The following GDPD4 variants were observed in gnomAD, a reference collection of about 807,000 sequenced individuals.
GDPD4 encodes glycerophosphodiester phosphodiesterase 6.
GDPD4 carries 60 observed loss-of-function variants against 67.8 expected under a neutral mutation model. That is an observed-to-expected ratio of 0.88 (90% CI 0.72 to 1.10). GDPD4 has a LOEUF of 1.10. Ranked by LOEUF, GDPD4 falls within the 50% of genes least tolerant of loss-of-function variation. GDPD4 has a pLI of 0.00. For synonymous variants in GDPD4, 212 were observed against 210.9 expected (o/e 1.00, Z -0.04); for missense variants, 623 against 613.9 (o/e 1.01, Z -0.16).
chr11:77,259,977 A>G (rs567398201), intron 10 of GDPD4, among the ~76,000 whole-genome samples: 1 of 152,178 alleles, frequency 6.6e-6, no homozygotes, highest in Admixed American at 6.5e-5. Context: ...GAGAGTCTTC[A>G]GTAATTACAT....
chr11:77,231,803 T>TA (rs1958460639), intron 14 of GDPD4, among the ~76,000 whole-genome samples: 1 of 152,156 alleles, frequency 6.6e-6, no homozygotes, highest in South Asian at 2.1e-4. Flanking sequence ...ACATAGTATA[T>TA]ACATGAAGGG....
At chr11:77,276,085 A>C in intron 5 of GDPD4, 76 bp downstream of exon 5, 1 of 1,023,534 alleles carries the variant, frequency 9.8e-7, no homozygotes, top group South Asian at 1.3e-5. Flanking sequence ...AAAACTGAGT[A>C]CCAAGGAGCA....
chr11:77,228,026 C>G (rs965498644), intron 15 of GDPD4, 110 bp from the exon 16 acceptor site: 1 of 792,804 alleles, frequency 1.3e-6, no homozygotes, highest in Non-Finnish European at 2.2e-6. Context: ...AACTTACAAT[C>G]CTATAGCATT....
chr11:77,252,698 T>C (rs987425513), intron 11 of GDPD4, among the ~76,000 whole-genome samples: 3 of 152,204 alleles, frequency 2.0e-5, no homozygotes, highest in African/African-American at 4.8e-5. Context: ...TGGGTCTTAG[T>C]GCACTAGTTG....
intron 10 of GDPD4, among the ~76,000 whole-genome samples, chr11:77,265,610 C>T (rs908303924): frequency 6.6e-6 from 1 of 152,136 alleles, no homozygotes; most frequent in Non-Finnish European, 1.5e-5. Flanking sequence ...GAAACTGACA[C>T]TGATAAAATC....
At chr11:77,223,643 C>CG (rs943145322) in intron 16 of GDPD4, among the ~76,000 whole-genome samples, 91 of 152,276 alleles carry the variant, frequency 6.0e-4, no homozygotes, top group African/African-American at 2.1e-3. Context: ...TTAGGATACA[C>CG]GGGGGTCAGG....
At chr11:77,249,816 A>C (rs750275554) in intron 11 of GDPD4, among the ~76,000 whole-genome samples, 2 of 152,192 alleles carry the variant, frequency 1.3e-5, no homozygotes, top group African/African-American at 2.4e-5. Flanking sequence ...ATTTATTGCT[A>C]TAAACTTCAC....
intron 11 of GDPD4, among the ~76,000 whole-genome samples, chr11:77,250,488 T>C (rs749987152): frequency 6.6e-6 from 1 of 152,226 alleles, no homozygotes; most frequent in Non-Finnish European, 1.5e-5. Context: ...GTTCCTCTCA[T>C]TGATATCTAG....
intron 16 of GDPD4, chr11:77,224,354 G>A (rs1272102406): frequency 6.6e-6 from 1 of 152,186 alleles, no homozygotes; most frequent in African/African-American, 2.4e-5. Flanking sequence ...TACCTCTCTT[G>A]ATTAGGTTAT....
intron 3 of GDPD4, among the ~76,000 whole-genome samples, chr11:77,284,774 A>C (rs1433244829): frequency 3.9e-5 from 6 of 152,218 alleles, no homozygotes; most frequent in Non-Finnish European, 7.4e-5. Context: ...CAAAGAGACT[A>C]AAGAAAAGAT....
chr11:77,277,683 T>A (rs1368545086), intron 4 of GDPD4, among the ~76,000 whole-genome samples: 2 of 152,146 alleles, frequency 1.3e-5, no homozygotes, highest in African/African-American at 4.8e-5. Flanking sequence ...ATTTTGTTGA[T>A]CTTTTCAAAA....
rs779270640 is a variant in GDPD4 at position 77,243,815 on chromosome 11, C to G, written c.1120G>C (p.Val374Leu). The change falls in exon 13 of 17, where the codon GTC becomes CTC. Residue 374 changes from valine (V) to leucine (L), a missense_variant. Physicochemically the swap from Val to Leu is conservative, Grantham distance 32. Transcript: ENST00000315938. ...TGAAAACCAGGAGCCACGGACCTGA[C>G]GTATTGCCTATCATGAGCTGGCAAC... Reference protein sequence around the residue: ...FWLPAHDRQYVRSVAPGFQHV... With the variant: ...FWLPAHDRQYLRSVAPGFQHV... 11 of 1,613,502 alleles carry G rather than the reference C, an allele frequency of 6.8e-6. No individual in the cohort carries two copies. The highest frequency in any genetic ancestry group is 9.3e-6 in the Non-Finnish European group (11 of 1,179,744).
chr11:77,251,373 G>A (rs1958895176), intron 11 of GDPD4, among the ~76,000 whole-genome samples: 2 of 151,976 alleles, frequency 1.3e-5, no homozygotes, highest in African/African-American at 4.8e-5. Context: ...CCAGATGCAG[G>A]GATCCCTTGA....
At chr11:77,258,986 T>C (rs1959058077) in intron 10 of GDPD4, among the ~76,000 whole-genome samples, 1 of 152,150 alleles carries the variant, frequency 6.6e-6, no homozygotes, top group Admixed American at 6.5e-5. Context: ...TTGCTTGGTT[T>C]TTGTTTTTGT....
At chr11:77,233,979 C>G (rs1177408519) in intron 13 of GDPD4, among the ~76,000 whole-genome samples, 1 of 152,106 alleles carries the variant, frequency 6.6e-6, no homozygotes. Flanking sequence ...TGGAGGAACA[C>G]CTAGTAATTC....
intron 11 of GDPD4, among the ~76,000 whole-genome samples, chr11:77,257,546 CT>C (rs1959024625): frequency 1.6e-5 from 2 of 122,774 alleles, no homozygotes; most frequent in Non-Finnish European, 3.3e-5. Context: ...CCCTCCCTCC[CT>C]CTCCTACACA....
chr11:77,294,603 A>G (rs1937887278), intron 1 of GDPD4, among the ~76,000 whole-genome samples: 1 of 152,208 alleles, frequency 6.6e-6, no homozygotes, highest in South Asian at 2.1e-4. Flanking sequence ...CATGATTCCA[A>G]TCAAAATCTC....
rs572473331 is a variant in GDPD4 at position 77,274,754 on chromosome 11, T to C, written c.207+1407A>G. Among the ~76,000 whole-genome samples the C allele has an allele frequency of 2.4e-4, 36 of 152,324 alleles. No individual in the cohort carries two copies. In the East Asian group the frequency reaches 6.9e-3, roughly 29 times the overall value. ...GGACCACTCAAGAGTTTGAAATGTT[T>C]CTGGATTTGGGGAAATACAAGAAAT... On this transcript the variant is annotated intron_variant, in intron 5 of 16. Transcript: ENST00000315938.
rs981068818 is a variant in GDPD4 at position 77,301,650 on chromosome 11, A to C, written c.-299T>G. On this transcript the variant is annotated 5_prime_UTR_variant, in exon 1 of 17. Transcript: ENST00000315938. ...CCAAATCCAATCTTCACGCCTGAGG[A>C]GACCAGCGTCTCTTAAGATGGACGC... is the stretch of plus-strand genomic sequence containing the variant. 6.6e-6 allele frequency: 1 copy of C among 152,080 alleles called. No individual in the cohort carries two copies. The highest frequency in any genetic ancestry group is 2.4e-5 in the African/African-American group (1 of 41,394). The allele number at this position is 152,080 out of a possible 1,614,324, so 9.4% of individuals were successfully genotyped here.
Sources: allele counts gnomAD v4.1 joint callset (sites outside exome capture counted in the v4.1 genomes callset), GRCh38; gene constraint gnomAD v4.1.1; transcripts MANE v1.5; gene names NCBI Gene and HGNC (gene_info 2026-07-23, HGNC 2026-07-21).